Variants in ANO1 observed in about 807,000 individuals in gnomAD.
ANO1 encodes the protein anoctamin 1, also known as anoctamin-1.
ANO1 carries 59 observed loss-of-function variants against 124.0 expected under a neutral mutation model. That is an observed-to-expected ratio of 0.48 (90% CI 0.39 to 0.59). The LOEUF (loss-of-function observed/expected upper bound fraction) is 0.59, where lower values mean the gene tolerates loss of function less well. Among genes scored for constraint, ANO1 ranks in the 20% least tolerant of loss-of-function variants. The probability of loss-of-function intolerance (pLI) is 0.00; values close to 1 mark genes in which losing one functional copy is unlikely to be tolerated. For synonymous variants in ANO1, 529 were observed against 532.0 expected (o/e 0.99, Z 0.08); for missense variants, 1,059 against 1,328.0 (o/e 0.80, Z 3.15).
chr11:70,033,123 G>A (rs1857033461), intron 1 of ANO1, among the ~76,000 whole-genome samples: 1 of 152,184 alleles, frequency 6.6e-6, no homozygotes, highest in African/African-American at 2.4e-5. Flanking sequence ...GCTCGGTGAT[G>A]TAGATCCAGG....
At position 70,104,165 on chromosome 11, in the gene ANO1, C is replaced by G. The variant is rs1255548484; in HGVS notation, c.692+15C>G. On this transcript the variant is annotated intron_variant, in intron 4 of 25. Coordinates refer to ENST00000355303, the MANE Select transcript of ANO1 (RefSeq NM_018043.7). ...AAGCAGCATCTGTAAGTGGGGACCCCCAGCCTGCTCCCCAAAGGGTCCTGT... is the reference window on the plus strand; with the variant it reads ...AAGCAGCATCTGTAAGTGGGGACCCGCAGCCTGCTCCCCAAAGGGTCCTGT... 1.9e-6 allele frequency: 3 copies of G among 1,606,290 alleles called. No homozygotes were observed. Among genetic ancestry groups the G allele is most frequent in the East Asian group, 2.2e-5 (1 of 44,752 alleles).
At chr11:70,168,046 C>G (rs1397789301) in intron 21 of ANO1, among the ~76,000 whole-genome samples, 1 of 152,198 alleles carries the variant, frequency 6.6e-6, no homozygotes, top group African/African-American at 2.4e-5. Flanking sequence ...TTACCCCCCT[C>G]AATCACGTGG....
At chr11:70,153,805 G>A (rs1451758235) in intron 14 of ANO1, among the ~76,000 whole-genome samples, 3 of 151,970 alleles carry the variant, frequency 2.0e-5, no homozygotes, top group Non-Finnish European at 2.9e-5. Context: ...TCTCTCTGTC[G>A]CTCAGGATGG....
At chr11:70,053,697 T>C (rs1857388664) in intron 1 of ANO1, among the ~76,000 whole-genome samples, 1 of 152,182 alleles carries the variant, frequency 6.6e-6, no homozygotes. Flanking sequence ...CCTTTTCAGG[T>C]TCAAATTCAT....
At chr11:69,979,588 G>A in the ANO1 span, among the ~76,000 whole-genome samples, 1 of 152,138 alleles carries the variant, frequency 6.6e-6, no homozygotes, top group Non-Finnish European at 1.5e-5. Context: ...TCTGAGCCTG[G>A]GGACTCCTCC....
At chr11:70,166,503 C>A (rs986003494) in intron 20 of ANO1, among the ~76,000 whole-genome samples, 6 of 152,124 alleles carry the variant, frequency 3.9e-5, no homozygotes, top group African/African-American at 1.4e-4. Context: ...GGGGACTTGG[C>A]CTCGTTGTTA....
chr11:70,123,154 G>A (rs180934931), intron 8 of ANO1, among the ~76,000 whole-genome samples: 140 of 152,262 alleles, frequency 9.2e-4, no homozygotes, highest in African/African-American at 3.1e-3. Flanking sequence ...CTCTCGATTC[G>A]GGGGTGGGGG....
intron 1 of ANO1, among the ~76,000 whole-genome samples, chr11:69,992,921 G>C (rs782448776): frequency 1.3e-5 from 2 of 152,184 alleles, no homozygotes; most frequent in Non-Finnish European, 2.9e-5. Context: ...ATGGCCATTA[G>C]GTAGACAAAT....
chr11:70,063,374 A>G (rs1173462115), intron 1 of ANO1, among the ~76,000 whole-genome samples: 1 of 152,188 alleles, frequency 6.6e-6, no homozygotes, highest in Non-Finnish European at 1.5e-5. Flanking sequence ...CAATCCCCTG[A>G]CAGTGGTCTG....
At chr11:70,180,555 G>A (rs921118737) in intron 23 of ANO1, among the ~76,000 whole-genome samples, 6 of 152,098 alleles carry the variant, frequency 3.9e-5, no homozygotes, top group African/African-American at 1.4e-4. Flanking sequence ...TTACATTCAC[G>A]AGCCACTGCG....
chr11:70,120,179 G>A (rs1381975518), intron 8 of ANO1, among the ~76,000 whole-genome samples: 1 of 152,164 alleles, frequency 6.6e-6, no homozygotes, highest in Non-Finnish European at 1.5e-5. Flanking sequence ...GTGCTGAGCT[G>A]GAGGGTGGGC....
intron 4 of ANO1, 115 bp downstream of exon 4, chr11:70,104,265 A>G: frequency 7.9e-7 from 1 of 1,267,888 alleles, no homozygotes; most frequent in East Asian, 2.5e-5. Flanking sequence ...GTGTTCTTGT[A>G]AGAGCTTTGT....
At chr11:70,166,427 T>TG (rs1005313063) in intron 20 of ANO1, among the ~76,000 whole-genome samples, 6 of 152,136 alleles carry the variant, frequency 3.9e-5, no homozygotes, top group Non-Finnish European at 5.9e-5. Flanking sequence ...TGGCTGAGGA[T>TG]GGGGGGGTAC....
intron 16 of ANO1, among the ~76,000 whole-genome samples, chr11:70,158,537 G>A (rs1231420967): frequency 2.6e-5 from 4 of 152,260 alleles, no homozygotes; most frequent in East Asian, 1.9e-4. Flanking sequence ...GGTGGTGGCT[G>A]TGGTCACCAT....
intron 24 of ANO1, among the ~76,000 whole-genome samples, chr11:70,183,046 C>T (rs1257100849): frequency 2.6e-5 from 4 of 152,158 alleles, no homozygotes; most frequent in Non-Finnish European, 5.9e-5. Context: ...GAATTTGAGG[C>T]TGCAGTGAGC....
At chr11:70,073,638 G>T (rs1555009639), upstream of ANO1, among the ~76,000 whole-genome samples, 1 of 152,134 alleles carries the variant, frequency 6.6e-6, no homozygotes, top group Non-Finnish European at 1.5e-5. Context: ...AGAGGTGAGG[G>T]ATGCCGTCTG....
intron 21 of ANO1, among the ~76,000 whole-genome samples, chr11:70,168,811 G>A (rs1421183755): frequency 6.6e-6 from 1 of 152,162 alleles, no homozygotes; most frequent in Non-Finnish European, 1.5e-5. Flanking sequence ...TTCACCACAA[G>A]TGCTGCCGTC....
At chr11:70,122,396 A>G (rs1224229036) in intron 8 of ANO1, among the ~76,000 whole-genome samples, 1 of 77,520 alleles carries the variant, frequency 1.3e-5, no homozygotes, top group Non-Finnish European at 2.4e-5. Context: ...CTGTCTCTCT[A>G]TCTCTGTCTC....
In ANO1 at chr11:70,179,994, C is replaced by T. The variant is rs201566945; in HGVS notation, c.2351-10C>T. ...GGGCTCTTTAAAACTGTGACTTCTTCTTCCCCCAGGAATCTGGTACAATAT... is the reference window on the plus strand; with the variant it reads ...GGGCTCTTTAAAACTGTGACTTCTTTTTCCCCCAGGAATCTGGTACAATAT... On this transcript the variant is annotated splice_polypyrimidine_tract_variant and intron_variant, in intron 22 of 25. Coordinates refer to ENST00000355303, the MANE Select transcript of ANO1 (RefSeq NM_018043.7). 8.7e-5 allele frequency: 141 copies of T among 1,611,686 alleles called. No individual in the cohort carries two copies. Among genetic ancestry groups the T allele is most frequent in the Middle Eastern group, 3.3e-4 (2 of 6,048 alleles).
Sources: allele counts gnomAD v4.1 joint callset (sites outside exome capture counted in the v4.1 genomes callset), GRCh38; gene constraint gnomAD v4.1.1; transcripts MANE v1.5; gene names NCBI Gene and HGNC (gene_info 2026-07-23, HGNC 2026-07-21).